SUMF1: variants seen among roughly 807,000 people sequenced by gnomAD.
SUMF1 encodes formylglycine-generating enzyme.
SUMF1 carries 48 observed loss-of-function variants against 47.6 expected under a neutral mutation model. That is an observed-to-expected ratio of 1.01 (90% confidence interval 0.80 to 1.28). The LOEUF is 1.28. SUMF1 is among the 50% of genes most tolerant of loss of function. The probability of loss-of-function intolerance (pLI) is 0.00; values close to 1 mark genes in which losing one functional copy is unlikely to be tolerated. For missense variants in SUMF1, 571 were observed against 485.4 expected, an observed-to-expected ratio of 1.18 and a Z score of -1.66; for synonymous variants, 230 against 192.1, an observed-to-expected ratio of 1.20 and a Z score of -1.63.
chr3:4,343,428 T>C (rs1242223437), intron 8 of SUMF1, among the ~76,000 whole-genome samples: 1 of 152,178 alleles, frequency 6.6e-6, no homozygotes, highest in East Asian at 1.9e-4. Flanking sequence ...TGAAGACTGA[T>C]TTCATTAACA....
At chr3:4,227,680 G>A (rs533443926) in intron 8 of SUMF1, among the ~76,000 whole-genome samples, 2 of 152,180 alleles carry the variant, frequency 1.3e-5, no homozygotes, top group South Asian at 2.1e-4. Context: ...GCTATGTGGT[G>A]GAAGTCAGTC....
intron 8 of SUMF1, among the ~76,000 whole-genome samples, chr3:4,069,324 G>T (rs951099002): frequency 1.3e-5 from 2 of 152,200 alleles, no homozygotes; most frequent in Admixed American, 6.5e-5. Flanking sequence ...CCACTTCGAG[G>T]TCATGTGTGA....
intron 8 of SUMF1, chr3:4,316,074 A>T: frequency 6.1e-6 from 3 of 491,086 alleles, no homozygotes; most frequent in Non-Finnish European, 3.6e-6. Flanking sequence ...AAAAAGTAAC[A>T]GTTTTTGCAT....
chr3:4,209,168 T>C (rs1465723097), intron 8 of SUMF1, among the ~76,000 whole-genome samples: 1 of 152,188 alleles, frequency 6.6e-6, no homozygotes, highest in Admixed American at 6.5e-5. Context: ...AAAATTTTAT[T>C]GGGTACCTAT....
intron 1 of SUMF1, among the ~76,000 whole-genome samples, chr3:4,455,905 C>G (rs1474680447): frequency 6.6e-6 from 1 of 151,784 alleles, no homozygotes; most frequent in Non-Finnish European, 1.5e-5. Context: ...CAAAGCCAGA[C>G]AAGAATACTA....
intron 8 of SUMF1, among the ~76,000 whole-genome samples, chr3:4,246,147 C>T (rs1450858006): frequency 1.3e-5 from 2 of 152,178 alleles, no homozygotes; most frequent in Admixed American, 6.5e-5. Context: ...GTGCACCGTT[C>T]CCCCAGTTAC....
intron 8 of SUMF1, chr3:4,303,464 T>G (rs1698034236): frequency 6.5e-7 from 1 of 1,531,996 alleles, no homozygotes. Context: ...GGATGTCGCG[T>G]GCGGCCAGGA....
intron 3 of SUMF1, among the ~76,000 whole-genome samples, chr3:4,447,008 T>G (rs1475441920): frequency 6.6e-6 from 1 of 152,080 alleles, no homozygotes; most frequent in Non-Finnish European, 1.5e-5. Flanking sequence ...CTGGCTACTT[T>G]AGGGACAGAG....
chr3:4,313,028 A>G, intron 8 of SUMF1: 1 of 1,613,952 alleles, frequency 6.2e-7, no homozygotes, highest in African/African-American at 1.3e-5. Context: ...GGAGAGAACT[A>G]TGATGATAAC....
At chr3:4,392,593 A>G (rs982145567) in intron 7 of SUMF1, among the ~76,000 whole-genome samples, 75 of 140,902 alleles carry the variant, frequency 5.3e-4, no homozygotes, top group South Asian at 2.1e-3. Context: ...TCAGATATAT[A>G]TGTGTGTGTG....
intron 8 of SUMF1, chr3:4,316,296 A>T: frequency 9.4e-7 from 1 of 1,063,376 alleles, no homozygotes; most frequent in Non-Finnish European, 1.4e-6. Flanking sequence ...AGCAGAAACA[A>T]CTCGCAACAT....
chr3:4,463,169 A>G (rs538857139), intron 1 of SUMF1, among the ~76,000 whole-genome samples: 1 of 152,336 alleles, frequency 6.6e-6, no homozygotes, highest in South Asian at 2.1e-4. Context: ...AATGCTTCCA[A>G]TGTAGAATAT....
intron 8 of SUMF1, among the ~76,000 whole-genome samples, chr3:4,261,496 G>T (rs1237746956): frequency 1.3e-5 from 2 of 152,322 alleles, no homozygotes; most frequent in South Asian, 2.1e-4. Context: ...AATTAAAACA[G>T]CCTGGGCATG....
intron 8 of SUMF1, among the ~76,000 whole-genome samples, chr3:4,285,485 A>C (rs1347569062): frequency 6.6e-6 from 1 of 152,206 alleles, no homozygotes; most frequent in Non-Finnish European, 1.5e-5. Flanking sequence ...TTATAAGGAA[A>C]AAATGTATAT....
At chr3:4,279,347 G>C (rs921364877) in intron 8 of SUMF1, among the ~76,000 whole-genome samples, 2 of 152,072 alleles carry the variant, frequency 1.3e-5, no homozygotes, top group African/African-American at 4.8e-5. Flanking sequence ...GGGCCTCTAA[G>C]AAGTCATATA....
At chr3:4,089,242 A>G (rs1692734357) in intron 8 of SUMF1, among the ~76,000 whole-genome samples, 1 of 152,124 alleles carries the variant, frequency 6.6e-6, no homozygotes, top group East Asian at 1.9e-4. Flanking sequence ...TCTATTTTGT[A>G]AAATAAATTT....
rs1696708208 is a variant in SUMF1 at position 4,248,050 on chromosome 3, G to C, written c.1014+128280C>G. Among the ~76,000 whole-genome samples the C allele has an allele frequency of 1.3e-5, 2 of 152,158 alleles. 1 individual carries two copies. The highest frequency in any genetic ancestry group is 4.1e-4 in the South Asian group (2 of 4,828). On this transcript the variant is annotated intron_variant and NMD_transcript_variant, in intron 8 of 12. Coordinates refer to the SUMF1 transcript ENST00000448413. Reference sequence around the variant, plus strand: ...AAATTGACACAAATGTTTAGTGATGGTGATGGCATTATCATGGCTTTTGAT... The same window carrying C: ...AAATTGACACAAATGTTTAGTGATGCTGATGGCATTATCATGGCTTTTGAT...
chr3:4,259,181 T>A (rs1697030854), intron 8 of SUMF1, among the ~76,000 whole-genome samples: 1 of 151,186 alleles, frequency 6.6e-6, no homozygotes, highest in Admixed American at 6.6e-5. Context: ...AGTTAGTGGG[T>A]GCAGCGCACC....
chr3:4,460,230 T>C (rs1430191434), intron 1 of SUMF1, among the ~76,000 whole-genome samples: 4 of 152,168 alleles, frequency 2.6e-5, no homozygotes, highest in Non-Finnish European at 5.9e-5. Context: ...AGGAAATATA[T>C]AAGAAATGCA....
Sources: gnomAD v4.1 joint callset for allele counts (sites outside exome capture counted in the v4.1 genomes callset) on GRCh38, gnomAD v4.1.1 for gene constraint, MANE v1.5 for transcripts, NCBI Gene and HGNC (gene_info 2026-07-23, HGNC 2026-07-21) for gene names.